The following ASAP1 variants were observed in gnomAD, a reference collection of about 807,000 sequenced individuals.
ASAP1 encodes ArfGAP with SH3 domain, ankyrin repeat and PH domain 1.
ASAP1 carries 43 observed loss-of-function variants against 145.2 expected under a neutral mutation model. That is an observed-to-expected ratio of 0.30 (90% CI 0.23 to 0.38). The LOEUF (loss-of-function observed/expected upper bound fraction) is 0.38, where lower values mean the gene tolerates loss of function less well. ASAP1 is among the 10% of genes least tolerant of loss of function. The pLI is 1.00. For missense variants in ASAP1, 1,018 were observed against 1,355.3 expected (o/e 0.75, Z 3.91); for synonymous variants, 546 against 515.5 (o/e 1.06, Z -0.80).
At chr8:130,096,075 T>C (rs1462191230) in intron 24 of ASAP1, among the ~76,000 whole-genome samples, 2 of 152,170 alleles carry the variant, frequency 1.3e-5, no homozygotes, top group Non-Finnish European at 2.9e-5. Context: ...GACAGACCTA[T>C]CTATTGTCTT....
At chr8:130,092,718 A>AC (rs1188150593) in intron 24 of ASAP1, among the ~76,000 whole-genome samples, 2 of 152,204 alleles carry the variant, frequency 1.3e-5, no homozygotes, top group African/African-American at 4.8e-5. Flanking sequence ...TGGGAAAAAC[A>AC]AACACACACA....
intron 18 of ASAP1, among the ~76,000 whole-genome samples, chr8:130,123,661 C>G (rs1449312813): frequency 2.0e-5 from 3 of 152,230 alleles, no homozygotes; most frequent in African/African-American, 7.2e-5. Flanking sequence ...GGGTCTCGCA[C>G]TGTTGCCCAG....
intron 5 of ASAP1, among the ~76,000 whole-genome samples, chr8:130,198,518 TAAG>T (rs1815660575): frequency 6.6e-6 from 1 of 152,182 alleles, no homozygotes; most frequent in African/African-American, 2.4e-5. Flanking sequence ...CCATAAACTG[TAAG>T]ATAATGCAGC....
intron 3 of ASAP1, among the ~76,000 whole-genome samples, chr8:130,274,510 A>C (rs956464754): frequency 4.6e-5 from 7 of 152,234 alleles, no homozygotes; most frequent in African/African-American, 1.7e-4. Context: ...ATCTACCTTA[A>C]ATCCTAAATG....
rs144180585 is a variant in ASAP1, at chr8:130,362,597, G to A, written c.60-4454C>T. ...ATAAATACATCTGCTTTCATTCCAC[G>A]ACTCAGATATCTCTAAATTAGTCAC... On this transcript the variant is annotated intron_variant, in intron 2 of 29. Coordinates refer to ENST00000518721, the MANE Select transcript of ASAP1 (RefSeq NM_018482.4). Among the ~76,000 whole-genome samples, 1,224 of 152,202 alleles carry A rather than the reference G, an allele frequency of 8.0e-3. 8 individuals are homozygous for A. Among genetic ancestry groups the A allele is most frequent in the Non-Finnish European group, 0.013 (900 of 67,998 alleles).
intron 2 of ASAP1, among the ~76,000 whole-genome samples, chr8:130,393,623 G>A (rs1169701595): frequency 6.6e-6 from 1 of 152,142 alleles, no homozygotes; most frequent in Non-Finnish European, 1.5e-5. Context: ...AGGCATGGTG[G>A]CACACACCTG....
intron 3 of ASAP1, among the ~76,000 whole-genome samples, chr8:130,311,761 C>CAAAAAAAAAAAAAAAA (rs201264577): frequency 9.4e-5 from 8 of 85,356 alleles, no homozygotes; most frequent in East Asian, 3.2e-4. Context: ...AACTCCGTCT[C>CAAAAAAAAAAAAAAAA]AAAAAAAAAA....
At chr8:130,104,000 T>G (rs1337298144) in intron 24 of ASAP1, among the ~76,000 whole-genome samples, 1 of 152,152 alleles carries the variant, frequency 6.6e-6, no homozygotes, top group Admixed American at 6.5e-5. Flanking sequence ...TCTCTGAGCT[T>G]CCAGGGCTTA....
In ASAP1 at chr8:130,378,302, G is replaced by A. The variant is rs531696686; in HGVS notation, c.60-20159C>T. ...ATAAAGCAAGTGACTGATGAATGAT[G>A]GAAGCACTAAAAGAAATAGATACTG... On this transcript the variant is annotated intron_variant, in intron 2 of 29. Transcript: ENST00000518721. Among the ~76,000 whole-genome samples, 3 of 152,308 alleles carry A rather than the reference G, an allele frequency of 2.0e-5. No individual in the cohort carries two copies. In the South Asian group the frequency reaches 6.2e-4, roughly 32 times the overall value.
chr8:130,220,295 C>T lies in ASAP1; in HGVS notation c.260-5594G>A, dbSNP rs1169439499. Among the ~76,000 whole-genome samples, 3 of 152,094 alleles carry T rather than the reference C, an allele frequency of 2.0e-5. No individual in the cohort carries two copies. In the East Asian group the frequency reaches 5.8e-4, roughly 29 times the overall value. ...CTAGTATTACTATTCCAGTAATAAT[C>T]GTTACAATAGCTAGTTTGTTGGGTA... On this transcript the variant is annotated intron_variant, in intron 4 of 29. Coordinates refer to ENST00000518721, the MANE Select transcript of ASAP1 (RefSeq NM_018482.4).
At chr8:130,242,786 GAAGA>G (rs1412449312) in intron 3 of ASAP1, among the ~76,000 whole-genome samples, 1 of 152,140 alleles carries the variant, frequency 6.6e-6, no homozygotes, top group Non-Finnish European at 1.5e-5. Flanking sequence ...AAAGGTGCCA[GAAGA>G]AAGAATTGAC....
At chr8:130,397,141 T>TTTG (rs142683440) in intron 2 of ASAP1, among the ~76,000 whole-genome samples, 5,552 of 150,848 alleles carry the variant, frequency 0.037, 146 homozygotes, top group African/African-American at 0.076. Context: ...TTATGAGAAT[T>TTTG]TTGTTGTTGT....
chr8:130,080,021 C>G (rs778454635), intron 25 of ASAP1, 50 bp from the exon 26 acceptor site: 1 of 1,517,018 alleles, frequency 6.6e-7, no homozygotes, highest in South Asian at 1.1e-5. Context: ...TGGGGAAATG[C>G]AATGAGAATA....
chr8:130,280,174 C>A (rs1276101675), intron 3 of ASAP1, among the ~76,000 whole-genome samples: 1 of 152,222 alleles, frequency 6.6e-6, no homozygotes, highest in African/African-American at 2.4e-5. Flanking sequence ...CCAGCTGGAA[C>A]TGAACAAAGA....
intron 3 of ASAP1, among the ~76,000 whole-genome samples, chr8:130,295,957 C>A (rs1822246941): frequency 6.6e-6 from 1 of 152,208 alleles, no homozygotes; most frequent in Non-Finnish European, 1.5e-5. Flanking sequence ...AAAGCCCCTT[C>A]CTTTTAGCAC....
intron 7 of ASAP1, among the ~76,000 whole-genome samples, chr8:130,183,176 A>G (rs1259599835): frequency 6.6e-6 from 1 of 152,122 alleles, no homozygotes; most frequent in Admixed American, 6.6e-5. Flanking sequence ...CAGAGACAAG[A>G]CCTTACATTC....
intron 3 of ASAP1, among the ~76,000 whole-genome samples, chr8:130,356,765 T>A (rs992045957): frequency 5.3e-5 from 8 of 152,172 alleles, no homozygotes; most frequent in Non-Finnish European, 1.0e-4. Flanking sequence ...TTGGGATCCC[T>A]CTACTTCTGA....
chr8:130,238,329 C>A (rs1818335457), intron 3 of ASAP1, among the ~76,000 whole-genome samples: 1 of 152,086 alleles, frequency 6.6e-6, no homozygotes. Context: ...AAAAATCTGG[C>A]CAGACAAAAT....
At chr8:130,122,172 CTTG>C (rs1317947402) in intron 18 of ASAP1, among the ~76,000 whole-genome samples, 2 of 152,292 alleles carry the variant, frequency 1.3e-5, no homozygotes, top group South Asian at 2.1e-4. Context: ...AACACCTCCT[CTTG>C]TTGTAATTTC....
Sources: allele counts gnomAD v4.1 joint callset (sites outside exome capture counted in the v4.1 genomes callset), GRCh38; gene constraint gnomAD v4.1.1; transcripts MANE v1.5; gene names NCBI Gene and HGNC (gene_info 2026-07-23, HGNC 2026-07-21).